Variants in ACBD3 observed in about 807,000 individuals in gnomAD.
The protein encoded by ACBD3 is Golgi resident protein GCP60.
A neutral mutation model predicts 66.9 loss-of-function variants in ACBD3; 30 were observed. The observed-to-expected ratio is 0.45, with a 90% CI of 0.34 to 0.61. The LOEUF (loss-of-function observed/expected upper bound fraction) is 0.61, where lower values mean the gene tolerates loss of function less well. Ranked by LOEUF, ACBD3 falls within the 20% of genes least tolerant of loss-of-function variation. The pLI, the probability that ACBD3 is intolerant of heterozygous loss-of-function variation, is 0.02. For missense variants in ACBD3, 544 were observed against 664.5 expected, an observed-to-expected ratio of 0.82 and a Z score of 1.99; for synonymous variants, 278 against 259.8, an observed-to-expected ratio of 1.07 and a Z score of -0.68.
At chr1:226,163,611 G>T (rs928283638) in intron 3 of ACBD3, among the ~76,000 whole-genome samples, 2 of 152,106 alleles carry the variant, frequency 1.3e-5, no homozygotes, top group African/African-American at 2.4e-5. Flanking sequence ...TGATAACTCA[G>T]GGGTTACAGC....
At chr1:226,183,991 A>T (rs1656235536) in intron 1 of ACBD3, among the ~76,000 whole-genome samples, 1 of 151,494 alleles carries the variant, frequency 6.6e-6, no homozygotes, top group Admixed American at 6.6e-5. Context: ...GGAAATCGAG[A>T]CCATCCTGGC....
chr1:226,165,935 G>A lies in ACBD3; in HGVS notation c.352C>T (p.Gln118Ter). The stretch of plus-strand genomic sequence containing the variant: ...GGATTATATGGGCCCATAAGAACTT[G>A]CTTATGCAGTGCCACAAGCTTCAAT... Reference protein sequence around the residue: ...EKLKLVALHKQVLMGPYNPDT... With the variant: ...EKLKLVALHK The change falls in exon 2 of 8, where the codon CAA becomes TAA. Residue 118 changes from glutamine to a stop codon, truncating the protein, a stop_gained. Coordinates refer to ENST00000366812, the MANE Select transcript of ACBD3 (RefSeq NM_022735.4). LOFTEE classifies it high-confidence loss of function. 6.2e-7 allele frequency: 1 copy of A among 1,613,466 alleles called. No individual in the cohort carries two copies. The highest frequency in any genetic ancestry group is 1.7e-5 in the Admixed American group (1 of 59,890).
Position 226,168,682 on chromosome 1 carries a change from TGC to T in ACBD3, c.287-2684_287-2683del, listed in dbSNP as rs1200218441. Among the ~76,000 whole-genome samples, 3 of 152,246 alleles carry T rather than the reference TGC, an allele frequency of 2.0e-5. No homozygotes were observed. In the East Asian group the frequency reaches 5.8e-4, roughly 29 times the overall value. ...CATATAACTCAAGTATTTACGATGA[TGC>T]TGGCGTTAAACTAACCTACTGTGCT... On this transcript the variant is annotated intron_variant, in intron 1 of 7. Transcript: ENST00000366812.
intron 5 of ACBD3, among the ~76,000 whole-genome samples, chr1:226,156,029 C>A (rs953954584): frequency 6.6e-6 from 1 of 152,162 alleles, no homozygotes. Context: ...TGGTGGGGAA[C>A]TATAAATTGA....
intron 1 of ACBD3, among the ~76,000 whole-genome samples, chr1:226,173,690 T>G (rs948396953): frequency 5.3e-5 from 8 of 152,172 alleles, no homozygotes; most frequent in Admixed American, 3.3e-4. Flanking sequence ...GTGGCTCTGG[T>G]TGACACATCA....
chr1:226,154,553 G>T, intron 6 of ACBD3, 94 bp downstream of exon 6: 2 of 1,388,566 alleles, frequency 1.4e-6, no homozygotes, highest in Non-Finnish European at 2.0e-6. Flanking sequence ...ATATGTAATT[G>T]TTCTCAAAAG....
chr1:226,182,057 T>A (rs1656181925), intron 1 of ACBD3, among the ~76,000 whole-genome samples: 1 of 151,746 alleles, frequency 6.6e-6, no homozygotes, highest in African/African-American at 2.4e-5. Context: ...AAGCAAGACC[T>A]CTGTCTCTAC....
At position 226,186,580 on chromosome 1, in the gene ACBD3, G is replaced by T; in HGVS notation, c.96C>A (p.Ala32=). The T allele has an allele frequency of 7.3e-7, 1 of 1,375,076 alleles. No homozygotes were observed. The highest frequency in any genetic ancestry group is 9.4e-7 in the Non-Finnish European group (1 of 1,068,964). 85.2% of individuals were successfully genotyped at this position (1,375,076 alleles called of 1,614,324 possible). A position where few individuals can be genotyped will look rare whatever the true frequency, so the allele number is the denominator to read the frequency against. Residue 32 remains alanine (A), a synonymous_variant, in exon 1 of 8, where the codon GCC becomes GCA. Transcript: ENST00000366812. ...DPEERPGAEG[A]PLLPPPLPPP... ...GTGGCAGCGGTGGCGGCAGCAGCGG[G>T]GCGCCCTCCGCCCCAGGCCGCTCCT... is the stretch of plus-strand genomic sequence containing the variant.
intron 1 of ACBD3, among the ~76,000 whole-genome samples, chr1:226,182,925 G>A (rs1338080306): frequency 1.3e-5 from 2 of 152,134 alleles, no homozygotes; most frequent in East Asian, 3.8e-4. Context: ...AATAATGTCT[G>A]AAATTTAGAT....
chr1:226,174,163 T>G (rs1655964705), intron 1 of ACBD3, among the ~76,000 whole-genome samples: 1 of 152,104 alleles, frequency 6.6e-6, no homozygotes, highest in Non-Finnish European at 1.5e-5. Flanking sequence ...CAAAAAGCCT[T>G]GTAGAAACTC....
intron 3 of ACBD3, 99 bp downstream of exon 3, chr1:226,164,690 A>G: frequency 7.6e-7 from 1 of 1,317,008 alleles, no homozygotes; most frequent in Non-Finnish European, 1.0e-6. Flanking sequence ...AAGGAAAGCA[A>G]GACACCTGAT....
chr1:226,185,906 T>C (rs1348638187), intron 1 of ACBD3, among the ~76,000 whole-genome samples: 1 of 152,146 alleles, frequency 6.6e-6, no homozygotes, highest in Non-Finnish European at 1.5e-5. Flanking sequence ...AGTTTATGGT[T>C]CCCAAGAATG....
chr1:226,161,775 C>T (rs1659780045), intron 3 of ACBD3, 86 bp from the exon 4 acceptor site: 7 of 1,443,576 alleles, frequency 4.8e-6, no homozygotes, highest in Non-Finnish European at 1.8e-6. Flanking sequence ...ACTGACATGA[C>T]CTTTTTAGAG....
chr1:226,175,091 C>CAAA (rs35201518), intron 1 of ACBD3, among the ~76,000 whole-genome samples: 205 of 75,814 alleles, frequency 2.7e-3, no homozygotes, highest in East Asian at 3.9e-3. Context: ...GACTCCATCT[C>CAAA]AAAAAAAAAA....
At chr1:226,175,963 AAT>A (rs1453042104) in intron 1 of ACBD3, among the ~76,000 whole-genome samples, 3 of 152,206 alleles carry the variant, frequency 2.0e-5, no homozygotes, top group African/African-American at 7.2e-5. Context: ...GGAACCTGTG[AAT>A]ATGTTAGGTT....
At chr1:226,178,284 T>C (rs1381591977) in intron 1 of ACBD3, among the ~76,000 whole-genome samples, 2 of 151,690 alleles carry the variant, frequency 1.3e-5, no homozygotes, top group African/African-American at 4.8e-5. Context: ...CAAAAGACTA[T>C]TAGGGGCTGG....
intron 1 of ACBD3, among the ~76,000 whole-genome samples, chr1:226,181,191 T>C (rs1283234286): frequency 1.3e-5 from 2 of 152,004 alleles, no homozygotes; most frequent in South Asian, 2.1e-4. Flanking sequence ...GTAAAGATAA[T>C]AAAAGGGAAA....
At chr1:226,163,636 T>C (rs1490952211) in intron 3 of ACBD3, among the ~76,000 whole-genome samples, 3 of 152,210 alleles carry the variant, frequency 2.0e-5, no homozygotes, top group African/African-American at 4.8e-5. Context: ...AACATAAAAA[T>C]TGTACATCAT....
intron 1 of ACBD3, among the ~76,000 whole-genome samples, chr1:226,176,557 T>C (rs541503495): frequency 2.0e-5 from 3 of 152,316 alleles, no homozygotes; most frequent in African/African-American, 7.2e-5. Context: ...GTGTGGTTTT[T>C]GTTTGCTTTG....
Sources: allele counts gnomAD v4.1 joint callset (sites outside exome capture counted in the v4.1 genomes callset), GRCh38; gene constraint gnomAD v4.1.1; transcripts MANE v1.5; gene names NCBI Gene and HGNC (gene_info 2026-07-23, HGNC 2026-07-21).